Variants in RFC3 observed in about 807,000 individuals in gnomAD.
The protein encoded by RFC3 is A1 38 kDa subunit.
RFC3 carries 41 observed loss-of-function variants against 45.1 expected under a neutral mutation model. That is an observed-to-expected ratio of 0.91 (90% CI 0.71 to 1.18). RFC3 has a LOEUF of 1.18. Among genes scored for constraint, RFC3 ranks in the 50% most tolerant of loss-of-function variants. RFC3 has a pLI of 0.00. For synonymous variants in RFC3, 149 were observed against 144.0 expected (o/e 1.03, Z -0.25); for missense variants, 423 against 428.1 (o/e 0.99, Z 0.10).
At chr13:33,939,547 A>G (rs1218858028) in intron 8 of RFC3, among the ~76,000 whole-genome samples, 1 of 152,210 alleles carries the variant, frequency 6.6e-6, no homozygotes, top group African/African-American at 2.4e-5. Context: ...ATCCTTTATA[A>G]TAAACCAGTA....
chr13:33,851,339 A>G (rs189139411), intron 8 of RFC3, among the ~76,000 whole-genome samples: 241 of 152,312 alleles, frequency 1.6e-3, no homozygotes, highest in African/African-American at 5.5e-3. Flanking sequence ...AAATCAACAT[A>G]GAACTTTTGA....
At chr13:33,842,917 A>T (rs1060725) in intron 8 of RFC3, among the ~76,000 whole-genome samples, 134,376 of 152,180 alleles carry the variant, frequency 0.88, 59,694 homozygotes, top group Non-Finnish European at 0.94. Context: ...TAAATTAAAA[A>T]TTTGTTCATG....
chr13:33,838,436 G>A (rs972231362), downstream of RFC3, among the ~76,000 whole-genome samples: 24 of 152,002 alleles, frequency 1.6e-4, no homozygotes, highest in Admixed American at 6.6e-4. Flanking sequence ...GTTGATTTGG[G>A]TGTTTTAAAC....
intron 8 of RFC3, among the ~76,000 whole-genome samples, chr13:33,949,909 A>C (rs1210610363): frequency 1.3e-5 from 2 of 152,108 alleles, no homozygotes; most frequent in African/African-American, 4.8e-5. Flanking sequence ...CTTTAAACTC[A>C]AGCTAAAATA....
At chr13:33,879,594 A>G (rs895941163) in intron 8 of RFC3, among the ~76,000 whole-genome samples, 1 of 152,246 alleles carries the variant, frequency 6.6e-6, no homozygotes, top group African/African-American at 2.4e-5. Flanking sequence ...TTTACAATCT[A>G]CTTCCCCACA....
intron 8 of RFC3, among the ~76,000 whole-genome samples, chr13:33,857,411 G>T (rs1377391810): frequency 6.6e-6 from 1 of 152,114 alleles, no homozygotes; most frequent in East Asian, 1.9e-4. Context: ...CATTTAAGCC[G>T]CCTGCCCTTG....
Position 33,830,806 on chromosome 13 carries a change from A to G in RFC3, c.661A>G (p.Arg221Gly). The change falls in exon 6 of 9, where the codon AGA becomes GGA. Residue 221 changes from arginine to glycine, a missense_variant. Arg to Gly is a moderately radical substitution (Grantham distance 125). Coordinates refer to ENST00000380071, the MANE Select transcript of RFC3 (RefSeq NM_002915.4). ...TCATAGACTTGCAGAGAAGTCTTGT[A>G]GAAATCTCAGAAAAGCCCTGCTTAT... ...LAHRLAEKSC[R>G]NLRKALLMCE... is the part of the protein sequence containing the mutation. The G allele has an allele frequency of 2.5e-6, 4 of 1,613,802 alleles. No homozygotes were observed. The highest frequency in any genetic ancestry group is 3.4e-6 in the Non-Finnish European group (4 of 1,179,794).
At chr13:33,958,201 A>C (rs1238146366) in intron 8 of RFC3, among the ~76,000 whole-genome samples, 1 of 152,230 alleles carries the variant, frequency 6.6e-6, no homozygotes, top group Non-Finnish European at 1.5e-5. Flanking sequence ...AGCATGAAGA[A>C]GTTTCTGCTG....
At chr13:33,820,338 T>C (rs3135552) in intron 1 of RFC3, among the ~76,000 whole-genome samples, 33,432 of 152,192 alleles carry the variant, frequency 0.22, 5,712 homozygotes, top group African/African-American at 0.44. Flanking sequence ...ACACCCATAG[T>C]AGATTTGAAA....
At chr13:33,946,849 A>T (rs1363233651) in intron 8 of RFC3, among the ~76,000 whole-genome samples, 3 of 152,224 alleles carry the variant, frequency 2.0e-5, no homozygotes, top group African/African-American at 7.2e-5. Flanking sequence ...TGCAATGTGA[A>T]ATCTGAAACC....
chr13:33,857,096 C>T (rs945073944), intron 8 of RFC3, among the ~76,000 whole-genome samples: 10 of 152,144 alleles, frequency 6.6e-5, no homozygotes, highest in African/African-American at 2.2e-4. Context: ...TGTCTTTGAA[C>T]TTAAACTTGT....
chr13:33,854,903 A>G (rs913759193), intron 8 of RFC3, among the ~76,000 whole-genome samples: 5 of 152,140 alleles, frequency 3.3e-5, no homozygotes, highest in African/African-American at 1.2e-4. Flanking sequence ...GTTTAGATAT[A>G]CCCCAGGGCC....
At chr13:33,894,268 C>G (rs896560754) in intron 8 of RFC3, among the ~76,000 whole-genome samples, 1 of 152,108 alleles carries the variant, frequency 6.6e-6, no homozygotes, top group Non-Finnish European at 1.5e-5. Context: ...GGCCATAACC[C>G]TACCCAGTAC....
chr13:33,952,395 A>G (rs906699388), intron 8 of RFC3, among the ~76,000 whole-genome samples: 2 of 151,982 alleles, frequency 1.3e-5, no homozygotes, highest in African/African-American at 4.8e-5. Flanking sequence ...GTGTAGAAGG[A>G]ACACATACTT....
intron 8 of RFC3, among the ~76,000 whole-genome samples, chr13:33,876,123 A>G (rs1017157769): frequency 3.9e-5 from 6 of 151,954 alleles, no homozygotes; most frequent in Non-Finnish European, 7.4e-5. Flanking sequence ...ATTTTATTGT[A>G]TTATTTCAGT....
chr13:33,958,978 C>G (rs1268241419), intron 8 of RFC3, among the ~76,000 whole-genome samples: 6 of 152,128 alleles, frequency 3.9e-5, no homozygotes, highest in Non-Finnish European at 7.4e-5. Context: ...ATTAGTTCCA[C>G]AGAACTATTA....
intron 8 of RFC3, among the ~76,000 whole-genome samples, chr13:33,950,973 A>G (rs972295821): frequency 4.1e-5 from 6 of 148,102 alleles, no homozygotes; most frequent in Middle Eastern, 3.5e-3. Flanking sequence ...ATGCCATACA[A>G]CTTCTACCTG....
chr13:33,818,881 GTTT>G (rs72236854), intron 1 of RFC3, among the ~76,000 whole-genome samples: 137 of 112,032 alleles, frequency 1.2e-3, no homozygotes, highest in African/African-American at 4.4e-3. Flanking sequence ...CCTGAGATTA[GTTT>G]TTTTTTTTTT....
At chr13:33,911,991 G>C (rs1314653340) in intron 8 of RFC3, among the ~76,000 whole-genome samples, 1 of 151,994 alleles carries the variant, frequency 6.6e-6, no homozygotes, top group African/African-American at 2.4e-5. Context: ...GCAAATCTAA[G>C]AACTATTTGG....
Sources: gnomAD v4.1 joint callset for allele counts (sites outside exome capture counted in the v4.1 genomes callset) on GRCh38, gnomAD v4.1.1 for gene constraint, MANE v1.5 for transcripts, NCBI Gene and HGNC (gene_info 2026-07-23, HGNC 2026-07-21) for gene names.